STK3: variants seen among roughly 807,000 people sequenced by gnomAD.
The protein encoded by STK3 is serine/threonine kinase 3, also known as serine/threonine-protein kinase 3.
Under a neutral mutation model 58.0 loss-of-function variants are expected in STK3, and 41 were observed. The ratio of observed to expected loss-of-function variants is 0.71; its 90% confidence interval spans 0.55 to 0.92. STK3 has a LOEUF of 0.92. Among genes scored for constraint, STK3 ranks in the 40% least tolerant of loss-of-function variants. The pLI is 0.00. For missense variants in STK3, 479 were observed against 602.7 expected (o/e 0.79, Z 2.15); for synonymous variants, 170 against 191.0 (o/e 0.89, Z 0.91).
intron 1 of STK3, among the ~76,000 whole-genome samples, chr8:98,923,543 TA>T (rs1371672506): frequency 6.6e-6 from 1 of 152,106 alleles, no homozygotes; most frequent in Non-Finnish European, 1.5e-5. Flanking sequence ...CAAACAAACC[TA>T]AACCCTAGCA....
At chr8:98,373,892 G>A (rs924195001) in intron 2 of STK3, among the ~76,000 whole-genome samples, 1 of 152,120 alleles carries the variant, frequency 6.6e-6, no homozygotes, top group Non-Finnish European at 1.5e-5. Context: ...CTCAGATTTT[G>A]AATATTGGAC....
In STK3 at chr8:98,733,546, G is replaced by A. The variant is rs796541090; in HGVS notation, c.351+15730C>T. Among the ~76,000 whole-genome samples, 123 of 152,300 alleles carry A rather than the reference G, an allele frequency of 8.1e-4. 2 individuals carry two copies. Among genetic ancestry groups the A allele is most frequent in the African/African-American group, 2.5e-3 (103 of 41,566 alleles). ...CATCCTGAAACTATCACCCCCATCC[G>A]TAGAAAAATTGTCTTCCATGAAACC... On this transcript the variant is annotated intron_variant, in intron 4 of 10. Coordinates refer to ENST00000419617, the MANE Select transcript of STK3 (RefSeq NM_006281.4).
downstream of STK3, among the ~76,000 whole-genome samples, chr8:98,400,984 C>G (rs1817938249): frequency 1.3e-5 from 2 of 152,090 alleles, no homozygotes; most frequent in African/African-American, 4.8e-5. Context: ...CTCCTTGAAT[C>G]TGGGTGGGCC....
At chr8:98,662,506 T>C (rs1758155153) in intron 6 of STK3, among the ~76,000 whole-genome samples, 1 of 152,152 alleles carries the variant, frequency 6.6e-6, no homozygotes, top group Non-Finnish European at 1.5e-5. Flanking sequence ...TTAACAGTAT[T>C]GGAGGGATTT....
the STK3 span, among the ~76,000 whole-genome samples, chr8:98,345,039 A>T: frequency 6.6e-6 from 1 of 151,972 alleles, no homozygotes; most frequent in Non-Finnish European, 1.5e-5. Flanking sequence ...GTATAAAATA[A>T]AACATCTATC....
At chr8:98,570,510 G>T (rs1048887568) in intron 8 of STK3, among the ~76,000 whole-genome samples, 4 of 151,988 alleles carry the variant, frequency 2.6e-5, no homozygotes, top group Admixed American at 2.6e-4. Context: ...TATTTGACCA[G>T]TTAAAATTTG....
chr8:98,706,328 T>C lies in STK3; in HGVS notation c.684+139A>G, dbSNP rs573140337. 1.0e-4 allele frequency: 88 copies of C among 880,650 alleles called. No individual in the cohort carries two copies. In the African/African-American group the frequency reaches 1.1e-3, roughly 11 times the overall value. 54.6% of individuals were successfully genotyped at this position (880,650 alleles called of 1,614,324 possible). On this transcript the variant is annotated intron_variant, in intron 6 of 10. Transcript: ENST00000419617. ...AGGAAGAGAAGTTAACAGTTACTAA[T>C]CTTTAAGAGGTAATTTTACCATTTT...
upstream of STK3, among the ~76,000 whole-genome samples, chr8:98,388,493 C>T (rs912761355): frequency 6.6e-6 from 1 of 152,184 alleles, no homozygotes; most frequent in African/African-American, 2.4e-5. Flanking sequence ...GCACACACCA[C>T]CACTTATGAA....
intron 6 of STK3, among the ~76,000 whole-genome samples, chr8:98,657,541 G>T (rs572703778): frequency 1.3e-5 from 2 of 151,992 alleles, no homozygotes; most frequent in Admixed American, 1.3e-4. Context: ...TCTTATAAAC[G>T]CCATGAAAAA....
intron 3 of STK3, among the ~76,000 whole-genome samples, chr8:98,843,892 C>G (rs1037768391): frequency 2.6e-5 from 4 of 152,214 alleles, no homozygotes; most frequent in Non-Finnish European, 5.9e-5. Flanking sequence ...TGGTGCATGC[C>G]TGTAATCCCA....
Position 98,455,918 on chromosome 8 carries a change from C to T in STK3, c.1400G>A (p.Arg467His), listed in dbSNP as rs758402378. The T allele has an allele frequency of 1.8e-5, 29 of 1,613,572 alleles. No homozygotes were observed. The highest frequency in any genetic ancestry group is 2.2e-5 in the Non-Finnish European group (26 of 1,179,792). Residue 467 changes from arginine (R) to histidine (H), a missense_variant, in exon 11 of 11, where the codon CGT becomes CAT. By Grantham distance (29) the Arg-to-His change is conservative. Transcript: ENST00000419617. The stretch of plus-strand genomic sequence containing the variant: ...CTGTCTTTTCGCAGTGTATCTCTGA[C>T]GAAGTTCTTCTATCTCCCGTTCCAT... Reference protein sequence around the residue: ...PMMEREIEELRQRYTAKRQPI... With the variant: ...PMMEREIEELHQRYTAKRQPI...
At chr8:98,703,707 C>T (rs1304763612) in intron 6 of STK3, among the ~76,000 whole-genome samples, 1 of 152,078 alleles carries the variant, frequency 6.6e-6, no homozygotes, top group East Asian at 1.9e-4. Flanking sequence ...CCTTCTAAGA[C>T]ACTCATTCAT....
Position 98,861,848 on chromosome 8 carries a change from G to A in STK3, c.110+21799C>T, listed in dbSNP as rs555092754. On this transcript the variant is annotated intron_variant, in intron 3 of 12. Transcript: ENST00000523601. ...GCAGCATTCACAGCCTTGTGAACCA[G>A]GTACACTGTTCATGGACTTGCCTCA... Among the ~76,000 whole-genome samples the A allele has an allele frequency of 7.9e-5, 12 of 152,238 alleles. No homozygotes were observed. The South Asian group carries it at 2.5e-3, about 32-fold the overall frequency.
intron 6 of STK3, among the ~76,000 whole-genome samples, chr8:98,672,981 A>T (rs1052714034): frequency 1.0e-4 from 15 of 149,260 alleles, no homozygotes; most frequent in African/African-American, 2.8e-4. Context: ...GTGTTTCTTT[A>T]AAAAAAAATG....
chr8:98,840,848 G>A lies in STK3; in HGVS notation c.110+42799C>T, dbSNP rs181329125. On this transcript the variant is annotated intron_variant, in intron 3 of 12. Coordinates refer to the STK3 transcript ENST00000523601. ...GCTGCAGTTGAGGCACCAGCCCTGT[G>A]TCTCTCCCAAGGCTTTAGTCAAGGT... Among the ~76,000 whole-genome samples the A allele has an allele frequency of 3.3e-5, 5 of 152,114 alleles. No homozygotes were observed. The East Asian group carries it at 9.7e-4, about 29-fold the overall frequency.
intron 3 of STK3, chr8:98,427,813 CCCCAG>C: frequency 1.7e-6 from 1 of 603,064 alleles, no homozygotes; most frequent in Non-Finnish European, 2.9e-6. Context: ...CAAACTCTTG[CCCCAG>C]CCCAGCCCTT....
chr8:98,803,347 T>C (rs932367866), intron 1 of STK3, among the ~76,000 whole-genome samples: 1 of 151,910 alleles, frequency 6.6e-6, no homozygotes, highest in Non-Finnish European at 1.5e-5. Flanking sequence ...ATCCCAGCAC[T>C]TTGGGAGGCC....
chr8:98,778,686 A>T (rs1250383725), intron 1 of STK3, among the ~76,000 whole-genome samples: 9 of 152,184 alleles, frequency 5.9e-5, no homozygotes, highest in Non-Finnish European at 1.3e-4. Flanking sequence ...TACACCATGG[A>T]ATACTATGCA....
intron 1 of STK3, among the ~76,000 whole-genome samples, chr8:98,909,840 G>A (rs1158168881): frequency 6.6e-6 from 1 of 152,118 alleles, no homozygotes; most frequent in East Asian, 1.9e-4. Flanking sequence ...TTTCTATGTG[G>A]ACATATGTTT....
Sources: allele counts gnomAD v4.1 joint callset (sites outside exome capture counted in the v4.1 genomes callset), GRCh38; gene constraint gnomAD v4.1.1; transcripts MANE v1.5; gene names NCBI Gene and HGNC (gene_info 2026-07-23, HGNC 2026-07-21).